The following DIP2C variants were observed in gnomAD, a reference collection of about 807,000 sequenced individuals.
The protein encoded by DIP2C is disco-interacting protein 2 homolog C.
A neutral mutation model predicts 192.4 loss-of-function variants in DIP2C; 33 were observed. That is an observed-to-expected ratio of 0.17 (90% CI 0.13 to 0.23). DIP2C has a LOEUF of 0.23. Ranked by LOEUF, DIP2C falls within the 10% of genes least tolerant of loss-of-function variation. The pLI, the probability that DIP2C is intolerant of heterozygous loss-of-function variation, is 1.00. For synonymous variants in DIP2C, 979 were observed against 864.1 expected, an observed-to-expected ratio of 1.13 and a Z score of -2.33; for missense variants, 1,537 against 2,110.1, an observed-to-expected ratio of 0.73 and a Z score of 5.32.
chr10:643,217 C>CA (rs59131339), intron 1 of DIP2C, among the ~76,000 whole-genome samples: 16,882 of 99,314 alleles, frequency 0.17, 2,069 homozygotes, highest in African/African-American at 0.37. Context: ...GACTCCGTCT[C>CA]AAAAAAAAAA....
Position 440,976 on chromosome 10 carries a change from G to A in DIP2C, c.289C>T (p.Gln97Ter). The A allele has an allele frequency of 6.2e-7, 1 of 1,613,448 alleles. No homozygotes were observed. The highest frequency in any genetic ancestry group is 8.5e-7 in the Non-Finnish European group (1 of 1,179,960). Residue 97 changes from glutamine (Q) to a stop codon, truncating the protein, a stop_gained, in exon 4 of 37, where the codon CAG becomes TAG. Coordinates refer to ENST00000280886, the MANE Select transcript of DIP2C (RefSeq NM_014974.3). LOFTEE classifies it high-confidence loss of function. ...YRSDVHTEAV[Q>*]AALAKHKERK... Reference sequence around the variant, plus strand: ...TCTTTGTGTTTGGCCAGAGCCGCCTGGACAGCTTCCGTGTGGACGTCTGAA... The same window carrying A: ...TCTTTGTGTTTGGCCAGAGCCGCCTAGACAGCTTCCGTGTGGACGTCTGAA...
intron 1 of DIP2C, among the ~76,000 whole-genome samples, chr10:609,670 TTCC>T (rs1852933110): frequency 6.6e-6 from 1 of 152,264 alleles, no homozygotes; most frequent in South Asian, 2.1e-4. Context: ...TTGTGTTTCT[TTCC>T]TTCTTAGAAA....
chr10:390,351 A>T lies in DIP2C; in HGVS notation c.1407T>A (p.Phe469Leu). The T allele has an allele frequency of 6.2e-7, 1 of 1,613,900 alleles. No homozygotes were observed. Among genetic ancestry groups the T allele is most frequent in the Non-Finnish European group, 8.5e-7 (1 of 1,179,986 alleles). The stretch of plus-strand genomic sequence containing the variant: ...TGGAGAGATGTTTAGACTCTGTGAC[A>T]AACCACAGCAGCTTTGGCCAACCTT... ...QFKGWPKLLW[F>L]VTESKHLSKP... The change falls in exon 12 of 37, where the codon TTT (phenylalanine) becomes TTA (leucine). Residue 469 changes from phenylalanine (F) to leucine (L), a missense_variant. Phe to Leu is a conservative substitution (Grantham distance 22). This residue lies in a region of DIP2C where 677 missense variants were observed against 989.9 expected (regional missense o/e 0.68). Coordinates refer to ENST00000280886, the MANE Select transcript of DIP2C (RefSeq NM_014974.3).
intron 10 of DIP2C, 98 bp downstream of exon 10, chr10:399,003 ACCCAGGGC>A: frequency 1.0e-6 from 1 of 968,222 alleles, no homozygotes; most frequent in Admixed American, 2.2e-5. Flanking sequence ...ACCGAAGGAA[ACCCAGGGC>A]CCCAGAAACA....
chr10:392,521 C>G (rs946072765), intron 10 of DIP2C, among the ~76,000 whole-genome samples: 6 of 152,230 alleles, frequency 3.9e-5, no homozygotes, highest in African/African-American at 1.4e-4. Flanking sequence ...GCTATTCAGC[C>G]AAGGTGAGGC....
Position 277,496 on chromosome 10 carries a change from G to C in DIP2C, c.4500C>G (p.Pro1500=). 1 of 1,614,124 alleles carries C rather than the reference G, an allele frequency of 6.2e-7. No individual in the cohort carries two copies. Among genetic ancestry groups the C allele is most frequent in the Non-Finnish European group, 8.5e-7 (1 of 1,180,034 alleles). ...CCTCCAGGACCACGTTGGTCACCAA[G>C]GGAACCAGGTCCAAGGCTTCTTGTT... is the stretch of plus-strand genomic sequence containing the variant. ...GSEQEALDLV[P]LVTNVVLEEH... is the part of the protein sequence containing the mutation. The change falls in exon 37 of 37, where the codon CCC becomes CCG. Residue 1500 remains proline (P), a synonymous_variant. Coordinates refer to ENST00000280886, the MANE Select transcript of DIP2C (RefSeq NM_014974.3).
chr10:449,423 T>G (rs540502313), intron 3 of DIP2C, among the ~76,000 whole-genome samples: 27 of 152,270 alleles, frequency 1.8e-4, no homozygotes, highest in African/African-American at 6.5e-4. Flanking sequence ...GGCACACACT[T>G]GCATATTATA....
At chr10:311,682 A>T in intron 31 of DIP2C, 5 of 796,338 alleles carry the variant, frequency 6.3e-6, no homozygotes, top group Non-Finnish European at 8.4e-6. Context: ...GGGATGGAGA[A>T]GAGGGAGGGG....
chr10:563,147 T>TC (rs965751179), intron 1 of DIP2C, among the ~76,000 whole-genome samples: 3 of 152,272 alleles, frequency 2.0e-5, no homozygotes, highest in South Asian at 2.1e-4. Flanking sequence ...TCAGACACCA[T>TC]CCCCCTCAGG....
chr10:298,782 G>A (rs1485329675), intron 32 of DIP2C, among the ~76,000 whole-genome samples: 1 of 152,194 alleles, frequency 6.6e-6, no homozygotes, highest in East Asian at 1.9e-4. Flanking sequence ...TTTGCTTCCA[G>A]ACCCTCCCTG....
chr10:385,209 A>G (rs929051737), intron 14 of DIP2C, among the ~76,000 whole-genome samples: 9 of 151,122 alleles, frequency 6.0e-5, no homozygotes, highest in African/African-American at 1.7e-4. Flanking sequence ...ACAGGCCTGG[A>G]GGAGGAGCGG....
chr10:459,946 T>G (rs1019105834), intron 3 of DIP2C, among the ~76,000 whole-genome samples: 1 of 143,276 alleles, frequency 7.0e-6, no homozygotes, highest in Non-Finnish European at 1.5e-5. Context: ...CTGCTGCACG[T>G]GAGCTCTAGG....
intron 31 of DIP2C, among the ~76,000 whole-genome samples, chr10:312,496 G>A (rs546173134): frequency 6.6e-6 from 1 of 152,196 alleles, no homozygotes; most frequent in Non-Finnish European, 1.5e-5. Flanking sequence ...AGAGACAGCA[G>A]CTGCAGCAGT....
intron 17 of DIP2C, among the ~76,000 whole-genome samples, chr10:381,708 AT>A (rs1962390420): frequency 6.6e-6 from 1 of 152,212 alleles, no homozygotes; most frequent in Non-Finnish European, 1.5e-5. Context: ...TCTGCCTGCA[AT>A]AATTTAAAAA....
Position 415,091 on chromosome 10 carries a change from G to A in DIP2C, c.859+678C>T, listed in dbSNP as rs1483956350. 2.6e-5 allele frequency among the ~76,000 whole-genome samples: 4 copies of A among 151,678 alleles called. No homozygotes were observed. In the South Asian group the frequency reaches 8.3e-4, roughly 32 times the overall value. On this transcript the variant is annotated intron_variant, in intron 7 of 36. Coordinates refer to ENST00000280886, the MANE Select transcript of DIP2C (RefSeq NM_014974.3). ...CAAGTACTCTGAATAACAGGAACAC[G>A]GAGTGAGTATTTTCCTGAGTAAAAC...
At chr10:521,922 G>A (rs759936759) in intron 1 of DIP2C, among the ~76,000 whole-genome samples, 4 of 149,136 alleles carry the variant, frequency 2.7e-5, no homozygotes, top group African/African-American at 7.5e-5. Flanking sequence ...TGACAGACCC[G>A]CATCAACACA....
intron 1 of DIP2C, among the ~76,000 whole-genome samples, chr10:553,652 A>G (rs1226998036): frequency 6.6e-6 from 1 of 152,260 alleles, no homozygotes; most frequent in Non-Finnish European, 1.5e-5. Context: ...AACATACATC[A>G]TAGAAGAAAA....
intron 14 of DIP2C, among the ~76,000 whole-genome samples, chr10:387,029 A>G (rs1226123941): frequency 6.6e-6 from 1 of 152,178 alleles, no homozygotes; most frequent in Non-Finnish European, 1.5e-5. Flanking sequence ...TCAAGGGCAA[A>G]TCTGGAAACT....
intron 30 of DIP2C, among the ~76,000 whole-genome samples, chr10:327,800 T>G (rs193185297): frequency 6.6e-5 from 10 of 152,320 alleles, no homozygotes; most frequent in Admixed American, 2.0e-4. Flanking sequence ...GAATTTCTTC[T>G]CATTCTCAAG....
Sources: allele counts gnomAD v4.1 joint callset (sites outside exome capture counted in the v4.1 genomes callset), GRCh38; gene constraint gnomAD v4.1.1; regional missense constraint gnomAD v4.1.1; transcripts MANE v1.5; gene names NCBI Gene and HGNC (gene_info 2026-07-23, HGNC 2026-07-21).